ABCC4: variants seen among roughly 807,000 people sequenced by gnomAD.
ABCC4 encodes the protein ATP binding cassette subfamily C member 4 (PEL blood group).
Under a neutral mutation model 168.5 loss-of-function variants are expected in ABCC4, and 102 were observed. That is an observed-to-expected ratio of 0.61 (90% CI 0.52 to 0.71). ABCC4 has a LOEUF of 0.71. ABCC4 is among the 30% of genes least tolerant of loss of function. The probability of loss-of-function intolerance (pLI) is 0.00; values close to 1 mark genes in which losing one functional copy is unlikely to be tolerated. For synonymous variants in ABCC4, 617 were observed against 590.7 expected (o/e 1.04, Z -0.65); for missense variants, 1,402 against 1,605.8 (o/e 0.87, Z 2.17).
intron 19 of ABCC4, among the ~76,000 whole-genome samples, chr13:95,154,302 T>C (rs1035543197): frequency 7.9e-5 from 12 of 152,168 alleles, no homozygotes; most frequent in African/African-American, 2.2e-4. Context: ...TTCTTTACAA[T>C]ACGCATCAGG....
At chr13:95,106,996 C>G (rs2139388796) in intron 20 of ABCC4, among the ~76,000 whole-genome samples, 1 of 152,306 alleles carries the variant, frequency 6.6e-6, no homozygotes. Context: ...GTGGCTCATG[C>G]CTGTAATCCC....
At chr13:95,049,446 C>T (rs943365936) in intron 27 of ABCC4, among the ~76,000 whole-genome samples, 1 of 151,904 alleles carries the variant, frequency 6.6e-6, no homozygotes. Flanking sequence ...TTGAGACCAG[C>T]CTGGCCAACA....
intron 1 of ABCC4, among the ~76,000 whole-genome samples, chr13:95,288,329 A>G (rs1431075208): frequency 1.3e-5 from 2 of 152,164 alleles, no homozygotes; most frequent in Admixed American, 1.3e-4. Context: ...GACTAAAGTA[A>G]TAGCTTATAA....
chr13:95,283,076 C>T (rs1183298710), intron 1 of ABCC4, among the ~76,000 whole-genome samples: 6 of 151,590 alleles, frequency 4.0e-5, no homozygotes, highest in Middle Eastern at 3.4e-3. Flanking sequence ...ATTAGCCTGG[C>T]GCGGTGGCAC....
intron 30 of ABCC4, among the ~76,000 whole-genome samples, chr13:95,026,736 A>G (rs1389514662): frequency 6.6e-6 from 1 of 152,092 alleles, no homozygotes; most frequent in Non-Finnish European, 1.5e-5. Context: ...GGGGGGAAAA[A>G]AAATTAGCCA....
At chr13:95,126,754 T>TATATATTA (rs2035785615) in intron 19 of ABCC4, among the ~76,000 whole-genome samples, 1 of 100,248 alleles carries the variant, frequency 1.0e-5, no homozygotes, top group Non-Finnish European at 2.1e-5. Context: ...TATATATATA[T>TATATATTA]TCCAAAATAT....
intron 1 of ABCC4, among the ~76,000 whole-genome samples, chr13:95,278,170 C>T (rs2138905864): frequency 6.6e-6 from 1 of 152,274 alleles, no homozygotes; most frequent in South Asian, 2.1e-4. Flanking sequence ...CAGGTTTTTA[C>T]CAATCATTAC....
chr13:95,215,375 G>A (rs9524835), intron 4 of ABCC4, among the ~76,000 whole-genome samples: 112,866 of 151,518 alleles, frequency 0.74, 42,814 homozygotes, highest in Non-Finnish European at 0.84. Context: ...CACTCCAGCC[G>A]GGGTGACAAA....
intron 20 of ABCC4, among the ~76,000 whole-genome samples, chr13:95,092,683 C>A (rs1229427678): frequency 6.6e-6 from 1 of 151,920 alleles, no homozygotes; most frequent in Non-Finnish European, 1.5e-5. Flanking sequence ...GAAACAAGAA[C>A]AAACCAAACC....
At chr13:95,291,979 G>A (rs1337763703) in intron 1 of ABCC4, among the ~76,000 whole-genome samples, 1 of 152,000 alleles carries the variant, frequency 6.6e-6, no homozygotes, top group Non-Finnish European at 1.5e-5. Context: ...ACTTCTCCAT[G>A]AGCCCCAAAC....
rs1184537923 is a variant in ABCC4 at position 95,214,883 on chromosome 13, T to G, written c.532-4102A>C. Among the ~76,000 whole-genome samples the G allele has an allele frequency of 1.1e-4, 7 of 62,048 alleles. No homozygotes were observed. The East Asian group carries it at 2.1e-3, about 18-fold the overall frequency. The allele number at this position is 62,048 out of a possible 152,430, so 40.7% of individuals were successfully genotyped here. On this transcript the variant is annotated intron_variant, in intron 4 of 30. Coordinates refer to ENST00000645237, the MANE Select transcript of ABCC4 (RefSeq NM_005845.5). ...CCTGGGTGATAGGTGAGACTCCAAT[T>G]CAAAAAAAAAAAAAAAAAAACACCT...
chr13:95,066,766 G>A (rs962993911), intron 25 of ABCC4, among the ~76,000 whole-genome samples: 1 of 152,190 alleles, frequency 6.6e-6, no homozygotes. Context: ...TTCTGCCGAT[G>A]GCCTCCCAAT....
At chr13:95,240,260 C>T (rs1305336916) in intron 3 of ABCC4, among the ~76,000 whole-genome samples, 3 of 152,180 alleles carry the variant, frequency 2.0e-5, no homozygotes, top group Non-Finnish European at 4.4e-5. Context: ...AGTACACACG[C>T]GGCTGGGCGC....
intron 14 of ABCC4, 61 bp from the exon 15 acceptor site, chr13:95,166,428 C>G: frequency 7.2e-7 from 1 of 1,387,434 alleles, no homozygotes; most frequent in South Asian, 1.3e-5. Flanking sequence ...TTAACCTAAT[C>G]TAATTCTAAT....
intron 1 of ABCC4, among the ~76,000 whole-genome samples, chr13:95,270,466 G>A (rs987425028): frequency 6.6e-6 from 1 of 152,066 alleles, no homozygotes; most frequent in Admixed American, 6.6e-5. Context: ...CCATTTGTGG[G>A]TCTGACCCTT....
chr13:95,147,541 T>G (rs1179248867), intron 19 of ABCC4, among the ~76,000 whole-genome samples: 1 of 152,174 alleles, frequency 6.6e-6, no homozygotes, highest in Admixed American at 6.6e-5. Flanking sequence ...TGAATAAAAT[T>G]TGAAGGCTCA....
At chr13:95,138,887 G>A (rs774453317) in intron 19 of ABCC4, among the ~76,000 whole-genome samples, 6 of 152,234 alleles carry the variant, frequency 3.9e-5, no homozygotes, top group South Asian at 2.1e-4. Context: ...ATCACTCCAC[G>A]CCAGCTGGGC....
At chr13:95,189,015 A>G (rs997791872) in intron 9 of ABCC4, among the ~76,000 whole-genome samples, 1 of 150,424 alleles carries the variant, frequency 6.6e-6, no homozygotes, top group African/African-American at 2.5e-5. Context: ...TGCATGCATT[A>G]TGTATTTGTC....
At chr13:95,150,289 T>C (rs994623605) in intron 19 of ABCC4, among the ~76,000 whole-genome samples, 1 of 152,194 alleles carries the variant, frequency 6.6e-6, no homozygotes, top group Admixed American at 6.5e-5. Flanking sequence ...TGGAACACTG[T>C]CTGCCTAAAG....
Sources: allele counts gnomAD v4.1 joint callset (sites outside exome capture counted in the v4.1 genomes callset), GRCh38; gene constraint gnomAD v4.1.1; transcripts MANE v1.5; gene names NCBI Gene and HGNC (gene_info 2026-07-23, HGNC 2026-07-21).